DLGAP2: variants seen among roughly 807,000 people sequenced by gnomAD.
DLGAP2 encodes DLG associated protein 2.
In DLGAP2, 26 loss-of-function variants were observed where a neutral mutation model predicts 100.3. The ratio of observed to expected loss-of-function variants is 0.26; its 90% confidence interval spans 0.19 to 0.36. The LOEUF is 0.36. Ranked by LOEUF, DLGAP2 falls within the 10% of genes least tolerant of loss-of-function variation. DLGAP2 has a pLI of 1.00. For synonymous variants in DLGAP2, 886 were observed against 630.1 expected (o/e 1.41, Z -6.08); for missense variants, 1,858 against 1,453.2 (o/e 1.28, Z -4.53).
At chr8:1,448,755 G>C (rs941868883) in intron 3 of DLGAP2, among the ~76,000 whole-genome samples, 2 of 152,134 alleles carry the variant, frequency 1.3e-5, no homozygotes, top group African/African-American at 4.8e-5. Context: ...CAACATTTTT[G>C]TTCTGCATTC....
chr8:1,529,044 G>T (rs551601863), intron 4 of DLGAP2, among the ~76,000 whole-genome samples: 56 of 151,210 alleles, frequency 3.7e-4, no homozygotes, highest in African/African-American at 1.3e-3. Context: ...TTAGTCTGTT[G>T]TCCTACTGCT....
chr8:1,549,769 C>G, intron 5 of DLGAP2, 86 bp downstream of exon 5: 1 of 1,336,000 alleles, frequency 7.5e-7, no homozygotes, highest in Non-Finnish European at 1.0e-6. Flanking sequence ...CAGATAACAA[C>G]TGCATACACA....
Position 1,270,804 on chromosome 8 carries a change from C to CTG in DLGAP2, c.106+11935_106+11936dup, listed in dbSNP as rs145285119. 2.2e-3 allele frequency among the ~76,000 whole-genome samples: 339 copies of CTG among 150,854 alleles called. 1 individual carries two copies. Among genetic ancestry groups the CTG allele is most frequent in the African/African-American group, 7.6e-3 (314 of 41,066 alleles). On this transcript the variant is annotated intron_variant, in intron 3 of 14. Transcript: ENST00000637795. ...TGTGTCTACCTCTCTCTGTGTGTCTCTGTGTGTGTGTGTGTCTACCTCTCT... is the reference window on the plus strand; with the variant it reads ...TGTGTCTACCTCTCTCTGTGTGTCTCTGTGTGTGTGTGTGTGTCTACCTCTCT...
rs372517512 is a variant in DLGAP2, at chr8:1,315,385, A to G, written c.106+56502A>G. ...TATGCGAGTGCAGCGTCTCTCCAAC[A>G]GTGGTCTACACTCGAGAAACTCGGC... On this transcript the variant is annotated intron_variant, in intron 3 of 14. Coordinates refer to ENST00000637795, the MANE Select transcript of DLGAP2 (RefSeq NM_001346810.2). Among the ~76,000 whole-genome samples the G allele has an allele frequency of 1.7e-3, 245 of 141,560 alleles. 3 individuals are homozygous for G. Among genetic ancestry groups the G allele is most frequent in the Non-Finnish European group, 2.3e-3 (152 of 65,096 alleles). The allele number at this position is 141,560 out of a possible 152,430, so 92.9% of individuals were successfully genotyped here. A position where few individuals can be genotyped will look rare whatever the true frequency, so the allele number is the denominator to read the frequency against.
At chr8:967,314 C>G (rs1211922912) in intron 2 of DLGAP2, among the ~76,000 whole-genome samples, 2 of 152,208 alleles carry the variant, frequency 1.3e-5, no homozygotes, top group Non-Finnish European at 1.5e-5. Flanking sequence ...GCGCATATCC[C>G]TTTCGAACAT....
intron 1 of DLGAP2, among the ~76,000 whole-genome samples, chr8:883,803 G>A (rs1297203857): frequency 6.6e-6 from 1 of 152,100 alleles, no homozygotes; most frequent in African/African-American, 2.4e-5. Flanking sequence ...TCCCTAACTC[G>A]CAACAGGCCC....
At chr8:1,048,421 C>G (rs545588056) in intron 2 of DLGAP2, among the ~76,000 whole-genome samples, 1 of 152,064 alleles carries the variant, frequency 6.6e-6, no homozygotes, top group Non-Finnish European at 1.5e-5. Flanking sequence ...ATTCTAAAAC[C>G]TGCCACCGGG....
At chr8:1,288,290 G>A (rs1791955055) in intron 3 of DLGAP2, among the ~76,000 whole-genome samples, 1 of 146,380 alleles carries the variant, frequency 6.8e-6, no homozygotes, top group African/African-American at 2.5e-5. Context: ...TTTTGGTTCA[G>A]CGTGTGTGTG....
chr8:1,241,406 G>T (rs1021797229), intron 2 of DLGAP2, among the ~76,000 whole-genome samples: 3 of 152,216 alleles, frequency 2.0e-5, no homozygotes, highest in Non-Finnish European at 2.9e-5. Context: ...ACATGGCCCT[G>T]TGTCCAGTTC....
intron 2 of DLGAP2, among the ~76,000 whole-genome samples, chr8:943,742 G>C (rs547565903): frequency 6.6e-6 from 1 of 152,098 alleles, no homozygotes. Flanking sequence ...CAAGCACAGC[G>C]AGAACCGCTC....
intron 2 of DLGAP2, among the ~76,000 whole-genome samples, chr8:1,252,179 C>T (rs564957359): frequency 1.2e-4 from 17 of 144,836 alleles, no homozygotes; most frequent in South Asian, 2.3e-4. Context: ...TCCTGGGTCA[C>T]GGTGTCACAG....
chr8:820,701 T>C (rs963330581), intron 1 of DLGAP2, among the ~76,000 whole-genome samples: 3 of 152,216 alleles, frequency 2.0e-5, no homozygotes, highest in African/African-American at 7.2e-5. Context: ...GCATATCCTT[T>C]GACTCAGTAA....
At chr8:1,325,995 G>A (rs955207299) in intron 3 of DLGAP2, among the ~76,000 whole-genome samples, 1 of 152,192 alleles carries the variant, frequency 6.6e-6, no homozygotes, top group Non-Finnish European at 1.5e-5. Flanking sequence ...CTCCGGGTTA[G>A]CCATCTGGTT....
intron 2 of DLGAP2, among the ~76,000 whole-genome samples, chr8:1,051,256 A>C (rs924438458): frequency 2.6e-5 from 4 of 152,196 alleles, no homozygotes; most frequent in African/African-American, 7.2e-5. Flanking sequence ...GGCCTCATTG[A>C]AGGGAACCCA....
intron 1 of DLGAP2, among the ~76,000 whole-genome samples, chr8:859,330 T>C (rs2128989470): frequency 6.6e-6 from 1 of 152,300 alleles, no homozygotes; most frequent in East Asian, 1.9e-4. Flanking sequence ...CAGGCTGGTC[T>C]GAAACTCCTG....
chr8:1,040,483 GGTTTCCGTGGTCGTCTCGGT>G (rs925889262), intron 2 of DLGAP2, among the ~76,000 whole-genome samples: 2 of 148,026 alleles, frequency 1.4e-5, no homozygotes, highest in Non-Finnish European at 3.0e-5. Flanking sequence ...TGGTCGGCTC[GGTTTCCGTGGTCGTCTCGGT>G]GTGCGTGGTT....
chr8:1,028,092 G>C (rs1309080150), intron 2 of DLGAP2, among the ~76,000 whole-genome samples: 9 of 137,242 alleles, frequency 6.6e-5, no homozygotes, highest in South Asian at 2.5e-4. Flanking sequence ...TTATTCTCCA[G>C]GTGGGGTGCC....
chr8:923,696 A>G (rs1798759929), intron 2 of DLGAP2, among the ~76,000 whole-genome samples: 2 of 152,198 alleles, frequency 1.3e-5, no homozygotes, highest in African/African-American at 4.8e-5. Flanking sequence ...GAAGCGTTTA[A>G]TTTGAACTGA....
chr8:1,705,371 C>G lies in DLGAP2; in HGVS notation c.*3965C>G, dbSNP rs901010917. 1.3e-5 allele frequency: 2 copies of G among 152,280 alleles called. No homozygotes were observed. The highest frequency in any genetic ancestry group is 4.8e-5 in the African/African-American group (2 of 41,452). 9.4% of individuals were successfully genotyped at this position (152,280 alleles called of 1,614,324 possible). On this transcript the variant is annotated 3_prime_UTR_variant, in exon 15 of 15. Transcript: ENST00000637795. Reference sequence around the variant, plus strand: ...CTTGCTTGGAATTCTGGCAGGTTCCCCGGGGTGTTTCAGTGGACAGGAGGC... The same window carrying G: ...CTTGCTTGGAATTCTGGCAGGTTCCGCGGGGTGTTTCAGTGGACAGGAGGC...
Sources: gnomAD v4.1 joint callset for allele counts (sites outside exome capture counted in the v4.1 genomes callset) on GRCh38, gnomAD v4.1.1 for gene constraint, MANE v1.5 for transcripts, NCBI Gene and HGNC (gene_info 2026-07-23, HGNC 2026-07-21) for gene names.